The following GLYR1 variants were observed in gnomAD, a reference collection of about 807,000 sequenced individuals.
GLYR1 encodes glyoxylate reductase 1 homolog.
In GLYR1, 21 loss-of-function variants were observed where a neutral mutation model predicts 72.7. The ratio of observed to expected loss-of-function variants is 0.29; its 90% confidence interval spans 0.20 to 0.42. The LOEUF is 0.42. Ranked by LOEUF, GLYR1 falls within the 10% of genes least tolerant of loss-of-function variation. The pLI is 1.00. For missense variants in GLYR1, 594 were observed against 712.1 expected (o/e 0.83, Z 1.89); for synonymous variants, 392 against 270.2 (o/e 1.45, Z -4.42).
intron 7 of GLYR1, among the ~76,000 whole-genome samples, 161 bp downstream of exon 7, chr16:4,822,714 G>A (rs891319921): frequency 6.6e-6 from 1 of 152,188 alleles, no homozygotes; most frequent in African/African-American, 2.4e-5. Context: ...TCTTAACAAT[G>A]CTTGGCTCAT....
chr16:4,838,777 C>A (rs1449933922), intron 3 of GLYR1, among the ~76,000 whole-genome samples: 1 of 151,998 alleles, frequency 6.6e-6, no homozygotes, highest in Non-Finnish European at 1.5e-5. Flanking sequence ...TTAGGAGAGA[C>A]GGGGTTTCAC....
chr16:4,823,061 A>T, intron 6 of GLYR1, 130 bp from the exon 7 acceptor site: 1 of 793,202 alleles, frequency 1.3e-6, no homozygotes, highest in Non-Finnish European at 2.1e-6. Flanking sequence ...AATTGTCTGG[A>T]AACTCTTTTC....
chr16:4,823,787 C>T (rs1286697280), intron 6 of GLYR1, 34 bp downstream of exon 6: 2 of 1,579,014 alleles, frequency 1.3e-6, no homozygotes, highest in South Asian at 1.1e-5. Flanking sequence ...CGCCCTAAGC[C>T]ACAGCTTGTC....
At chr16:4,838,846 G>GA (rs1247218059) in intron 3 of GLYR1, among the ~76,000 whole-genome samples, 1 of 152,008 alleles carries the variant, frequency 6.6e-6, no homozygotes, top group African/African-American at 2.4e-5. Flanking sequence ...CTTGCCCTTT[G>GA]AAAGTTCTGG....
Position 4,847,248 on chromosome 16 carries a change from C to A in GLYR1, c.18G>T (p.Leu6=), listed in dbSNP as rs550532519. Reference sequence around the variant, plus strand: ...CTCACCACACCAAGTCGCCGAGCCGCAGACTCACAGCCGCCATCTTACCAC... The same window carrying A: ...CTCACCACACCAAGTCGCCGAGCCGAAGACTCACAGCCGCCATCTTACCAC... MAAVS[L]RLGDLVWGKL... Residue 6 remains leucine (L), a synonymous_variant, in exon 1 of 16, where the codon CTG becomes CTT. Coordinates refer to ENST00000321919, the MANE Select transcript of GLYR1 (RefSeq NM_032569.4). 33 of 1,609,910 alleles carry A rather than the reference C, an allele frequency of 2.0e-5. No homozygotes were observed. In the Middle Eastern group the frequency reaches 5.0e-4, roughly 24 times the overall value.
intron 9 of GLYR1, chr16:4,821,057 C>A (rs1265034267): frequency 1.9e-5 from 8 of 426,038 alleles, no homozygotes; most frequent in Non-Finnish European, 3.4e-5. Context: ...TTGGGCCCCA[C>A]CCGGACATAT....
intron 15 of GLYR1, 24 bp from the exon 16 acceptor site, chr16:4,805,334 G>T (rs762065101): frequency 6.1e-5 from 98 of 1,602,078 alleles, no homozygotes; most frequent in Admixed American, 1.5e-4. Context: ...AGATGGCTCA[G>T]TCTCTGGCCC....
At chr16:4,813,421 A>G (rs1366793191) in intron 12 of GLYR1, among the ~76,000 whole-genome samples, 3 of 152,114 alleles carry the variant, frequency 2.0e-5, no homozygotes, top group African/African-American at 7.2e-5. Flanking sequence ...GGGAGGAGGG[A>G]TGCTTTGCCA....
At chr16:4,812,361 AG>A in intron 12 of GLYR1, 113 bp from the exon 13 acceptor site, 2 of 1,177,760 alleles carry the variant, frequency 1.7e-6, no homozygotes, top group Non-Finnish European at 2.3e-6. Flanking sequence ...CCAGAGCTGG[AG>A]GGGACGGCCA....
Position 4,805,025 on chromosome 16 carries a change from C to T in GLYR1, c.*211G>A. On this transcript the variant is annotated 3_prime_UTR_variant, in exon 16 of 16. Transcript: ENST00000321919. ...AGTGCCCAGCTCAAGAGCTTTCCCA[C>T]ACGCCAATCCTGCTGACACTTGTCC... 3.4e-6 allele frequency: 2 copies of T among 594,116 alleles called. No individual in the cohort carries two copies. Among genetic ancestry groups the T allele is most frequent in the Non-Finnish European group, 6.0e-6 (2 of 330,904 alleles). The allele number at this position is 594,116 out of a possible 1,614,324, so 36.8% of individuals were successfully genotyped here. A position where few individuals can be genotyped will look rare whatever the true frequency, so the allele number is the denominator to read the frequency against.
intron 11 of GLYR1, chr16:4,814,039 G>C: frequency 2.2e-6 from 1 of 447,236 alleles, no homozygotes; most frequent in East Asian, 3.6e-5. Context: ...AAGAATCTAT[G>C]TGAGTGTGTG....
intron 15 of GLYR1, 54 bp downstream of exon 15, chr16:4,811,116 A>C: frequency 6.4e-7 from 1 of 1,569,490 alleles, no homozygotes; most frequent in Non-Finnish European, 8.6e-7. Context: ...AAAAAAAAAA[A>C]AAGAAAGAAA....
intron 15 of GLYR1, among the ~76,000 whole-genome samples, chr16:4,806,616 C>T (rs1027922402): frequency 6.7e-6 from 1 of 148,952 alleles, no homozygotes; most frequent in Non-Finnish European, 1.5e-5. Flanking sequence ...AAGCCTCGAC[C>T]CTGCCTCGAC....
At chr16:4,837,678 G>A (rs1253780141) in intron 3 of GLYR1, among the ~76,000 whole-genome samples, 2 of 151,904 alleles carry the variant, frequency 1.3e-5, no homozygotes, top group East Asian at 1.9e-4. Context: ...AAGCCGGCAC[G>A]GTAGCTCACG....
At chr16:4,805,624 T>C (rs899116563) in intron 15 of GLYR1, among the ~76,000 whole-genome samples, 18 of 152,180 alleles carry the variant, frequency 1.2e-4, no homozygotes, top group African/African-American at 1.9e-4. Flanking sequence ...GTGGATCACC[T>C]GAAGTCAGGA....
intron 5 of GLYR1, among the ~76,000 whole-genome samples, chr16:4,825,198 T>G (rs933477926): frequency 2.6e-5 from 4 of 152,172 alleles, no homozygotes; most frequent in Non-Finnish European, 5.9e-5. Flanking sequence ...CAGTCTCACA[T>G]AGTAAAGCTA....
At chr16:4,834,491 C>G (rs1223205158) in intron 3 of GLYR1, among the ~76,000 whole-genome samples, 5 of 149,998 alleles carry the variant, frequency 3.3e-5, no homozygotes, top group African/African-American at 4.9e-5. Flanking sequence ...GAGACAGAGT[C>G]TCATTTTGTC....
chr16:4,822,064 A>G (rs955590238), intron 7 of GLYR1, among the ~76,000 whole-genome samples: 4 of 147,140 alleles, frequency 2.7e-5, no homozygotes, highest in African/African-American at 1.0e-4. Flanking sequence ...TCACTGTGAC[A>G]GTCTCAACTA....
chr16:4,831,940 G>T, intron 5 of GLYR1, 39 bp downstream of exon 5: 1 of 1,599,610 alleles, frequency 6.3e-7, no homozygotes, highest in South Asian at 1.1e-5. Flanking sequence ...GTACTAAAAG[G>T]ACATCACTAA....
Sources: gnomAD v4.1 joint callset for allele counts (sites outside exome capture counted in the v4.1 genomes callset) on GRCh38, gnomAD v4.1.1 for gene constraint, MANE v1.5 for transcripts, NCBI Gene and HGNC (gene_info 2026-07-23, HGNC 2026-07-21) for gene names.